MYPN: variants seen among roughly 807,000 people sequenced by gnomAD.
MYPN encodes sarcomeric protein myopalladin, 145 kDa (MYOP).
MYPN carries 63 observed loss-of-function variants against 129.4 expected under a neutral mutation model. The observed-to-expected ratio is 0.49, with a 90% CI of 0.40 to 0.60. MYPN has a LOEUF of 0.60. Ranked by LOEUF, MYPN falls within the 20% of genes least tolerant of loss-of-function variation. The pLI, the probability that MYPN is intolerant of heterozygous loss-of-function variation, is 0.00. For synonymous variants in MYPN, 629 were observed against 600.9 expected (o/e 1.05, Z -0.68); for missense variants, 1,596 against 1,635.4 (o/e 0.98, Z 0.42).
chr10:68,139,890 C>T (rs900826341), intron 2 of MYPN, among the ~76,000 whole-genome samples: 9 of 152,142 alleles, frequency 5.9e-5, no homozygotes, highest in East Asian at 1.9e-4. Context: ...ACGGTCCTCT[C>T]GTGCACTTTG....
At chr10:68,108,716 A>T (rs1191418885), upstream of MYPN, among the ~76,000 whole-genome samples, 2 of 151,792 alleles carry the variant, frequency 1.3e-5, no homozygotes, top group African/African-American at 4.8e-5. Flanking sequence ...TTATTTATTT[A>T]TTTTTAATTT....
chr10:68,161,214 G>C (rs1278626221), intron 7 of MYPN, among the ~76,000 whole-genome samples: 1 of 152,054 alleles, frequency 6.6e-6, no homozygotes, highest in East Asian at 1.9e-4. Flanking sequence ...GTTGCTCTTG[G>C]GCAAGGCACA....
rs199987378 is a variant in MYPN, at chr10:68,197,453, G to A, written c.3260G>A (p.Gly1087Glu). Residue 1087 changes from glycine to glutamate, a missense_variant, in exon 16 of 20, where the codon GGG (glycine) becomes GAG (glutamate). Transcript: ENST00000358913. ...QAPGDMVAHE[G>E]RLCRLDCKVS... Reference sequence around the variant, plus strand: ...CCTGGGGATATGGTAGCTCATGAGGGGCGCCTCTGTCGGCTGGACTGTAAG... The same window carrying A: ...CCTGGGGATATGGTAGCTCATGAGGAGCGCCTCTGTCGGCTGGACTGTAAG... 6.2e-7 allele frequency: 1 copy of A among 1,613,992 alleles called. No individual in the cohort carries two copies. Among genetic ancestry groups the A allele is most frequent in the Admixed American group, 1.7e-5 (1 of 60,006 alleles).
At chr10:68,185,218 T>TGAAAA (rs1368516387) in intron 12 of MYPN, among the ~76,000 whole-genome samples, 1 of 100,242 alleles carries the variant, frequency 1.0e-5, no homozygotes, top group East Asian at 2.7e-4. Context: ...AGGGAAGAAG[T>TGAAAA]GAAAAGAAAA....
chr10:68,153,380 A>T (rs1408262548), intron 6 of MYPN, among the ~76,000 whole-genome samples: 1 of 152,218 alleles, frequency 6.6e-6, no homozygotes, highest in Non-Finnish European at 1.5e-5. Context: ...TCTATTAATA[A>T]TTAGATGCTC....
At chr10:68,182,454 T>TATATATAAC (rs2043348140) in intron 12 of MYPN, among the ~76,000 whole-genome samples, 2 of 98,242 alleles carry the variant, frequency 2.0e-5, no homozygotes, top group South Asian at 2.9e-4. Flanking sequence ...ATATATAACA[T>TATATATAAC]ATATATATAA....
intron 2 of MYPN, among the ~76,000 whole-genome samples, chr10:68,140,765 A>T (rs1391995146): frequency 1.3e-5 from 2 of 152,212 alleles, no homozygotes; most frequent in Non-Finnish European, 2.9e-5. Context: ...AGTTTTCTTC[A>T]GTGTGCTTTA....
At chr10:68,148,230 C>T in intron 4 of MYPN, 123 bp from the exon 5 acceptor site, 1 of 850,380 alleles carries the variant, frequency 1.2e-6, no homozygotes, top group South Asian at 1.5e-5. Context: ...TGTAAAATAT[C>T]ATCAAACCAA....
chr10:68,135,961 G>T (rs2042480765), intron 2 of MYPN, among the ~76,000 whole-genome samples: 1 of 152,142 alleles, frequency 6.6e-6, no homozygotes, highest in Non-Finnish European at 1.5e-5. Context: ...GACTTTGGAA[G>T]GGCTGGGGCA....
intron 2 of MYPN, among the ~76,000 whole-genome samples, chr10:68,137,518 AC>A (rs1407217380): frequency 6.6e-6 from 1 of 152,198 alleles, no homozygotes; most frequent in Non-Finnish European, 1.5e-5. Flanking sequence ...TCTGTCTTGA[AC>A]TTTGAATGGA....
chr10:68,183,438 G>T (rs550379102), intron 12 of MYPN, among the ~76,000 whole-genome samples: 2 of 152,134 alleles, frequency 1.3e-5, no homozygotes, highest in South Asian at 4.1e-4. Flanking sequence ...CTCCAGCCTG[G>T]GCAGTAGAGC....
intron 6 of MYPN, among the ~76,000 whole-genome samples, chr10:68,153,536 G>A (rs1012530768): frequency 3.9e-5 from 6 of 152,114 alleles, no homozygotes; most frequent in African/African-American, 1.4e-4. Context: ...AAACCCTGAC[G>A]AGGCTTTCTC....
chr10:68,134,834 G>A (rs985648182), intron 2 of MYPN, among the ~76,000 whole-genome samples: 2 of 151,834 alleles, frequency 1.3e-5, no homozygotes, highest in Non-Finnish European at 2.9e-5. Flanking sequence ...AAATTAAATA[G>A]GATATGTGGT....
chr10:68,158,738 A>T, intron 7 of MYPN, 111 bp downstream of exon 7: 1 of 787,664 alleles, frequency 1.3e-6, no homozygotes, highest in African/African-American at 1.7e-5. Context: ...CAAAAAGAAT[A>T]AAAAACACCT....
chr10:68,127,852 C>T (rs1393629743), intron 2 of MYPN, among the ~76,000 whole-genome samples: 1 of 152,150 alleles, frequency 6.6e-6, no homozygotes, highest in Non-Finnish European at 1.5e-5. Flanking sequence ...AGGAACACCA[C>T]AGTCAATAAG....
intron 12 of MYPN, among the ~76,000 whole-genome samples, chr10:68,184,392 G>A (rs1448958904): frequency 2.0e-5 from 3 of 152,102 alleles, no homozygotes; most frequent in South Asian, 2.1e-4. Flanking sequence ...GAGTAAACAC[G>A]AGGAGTCCAG....
chr10:68,211,700 T>C lies in MYPN; in HGVS notation c.*1245T>C, dbSNP rs1394115235. 1 of 454,160 alleles carries C rather than the reference T, an allele frequency of 2.2e-6. No individual in the cohort carries two copies. The highest frequency in any genetic ancestry group is 6.9e-5 in the East Asian group (1 of 14,404). 28.1% of individuals were successfully genotyped at this position (454,160 alleles called of 1,614,324 possible). ...ATTCAATAAATATTTGCTGGTTGAA[T>C]GAATCTTCTGTTATTATGTCTATTA... is the stretch of plus-strand genomic sequence containing the variant. On this transcript the variant is annotated 3_prime_UTR_variant, in exon 20 of 20. Coordinates refer to ENST00000358913, the MANE Select transcript of MYPN (RefSeq NM_032578.4).
chr10:68,139,508 C>T (rs1398406764), intron 2 of MYPN, among the ~76,000 whole-genome samples: 1 of 152,076 alleles, frequency 6.6e-6, no homozygotes, highest in Non-Finnish European at 1.5e-5. Flanking sequence ...AGGGGCATTT[C>T]AGGAGGGGAG....
At chr10:68,104,301 T>A (rs2041996752), upstream of MYPN, among the ~76,000 whole-genome samples, 1 of 152,230 alleles carries the variant, frequency 6.6e-6, no homozygotes, top group Admixed American at 6.5e-5. Context: ...ACTCAGATCC[T>A]GGCATATTGG....
Sources: allele counts gnomAD v4.1 joint callset (sites outside exome capture counted in the v4.1 genomes callset), GRCh38; gene constraint gnomAD v4.1.1; transcripts MANE v1.5; gene names NCBI Gene and HGNC (gene_info 2026-07-23, HGNC 2026-07-21).